TCEA2: variants seen among roughly 807,000 people sequenced by gnomAD.
TCEA2 encodes transcription elongation factor A protein 2.
TCEA2 carries 21 observed loss-of-function variants against 40.8 expected under a neutral mutation model. The observed-to-expected ratio is 0.51, with a 90% CI of 0.36 to 0.74. The LOEUF is 0.74. TCEA2 is among the 30% of genes least tolerant of loss of function. The pLI is 0.00. For missense variants in TCEA2, 326 were observed against 426.5 expected (o/e 0.76, Z 2.08); for synonymous variants, 165 against 162.7 (o/e 1.01, Z -0.11).
intron 3 of TCEA2, among the ~76,000 whole-genome samples, chr20:64,067,693 G>A (rs1199640902): frequency 1.3e-5 from 2 of 152,264 alleles, no homozygotes; most frequent in Admixed American, 6.5e-5. Context: ...TGGGCTTTCA[G>A]GAAGAGCCTT....
intron 2 of TCEA2, 111 bp downstream of exon 2, chr20:64,066,649 T>G: frequency 8.1e-7 from 1 of 1,234,476 alleles, no homozygotes; most frequent in Non-Finnish European, 1.2e-6. Context: ...AGGCCTTAGT[T>G]GGCACAAATG....
chr20:64,066,308 T>C, intron 1 of TCEA2, 168 bp from the exon 2 acceptor site: 1 of 702,826 alleles, frequency 1.4e-6, no homozygotes, highest in Non-Finnish European at 2.4e-6. Context: ...CAGGAACATG[T>C]GGGCAGAGCC....
chr20:64,062,059 C>T (rs1207736434), upstream of TCEA2, among the ~76,000 whole-genome samples: 1 of 152,242 alleles, frequency 6.6e-6, no homozygotes, highest in Non-Finnish European at 1.5e-5. Flanking sequence ...ACCATATTTT[C>T]CTTTTCATTT....
rs944367466 is a variant in TCEA2, at chr20:64,068,142, A to G, written c.329+8A>G. On this transcript the variant is annotated splice_region_variant and intron_variant, in intron 4 of 9. Coordinates refer to ENST00000343484, the MANE Select transcript of TCEA2 (RefSeq NM_003195.6). ...AGAGGCCCCGGATCCCAGGTAGCACACCTGGAAGGCAGGTGCACACACTTC... is the reference window on the plus strand; with the variant it reads ...AGAGGCCCCGGATCCCAGGTAGCACGCCTGGAAGGCAGGTGCACACACTTC... 1.2e-6 allele frequency: 2 copies of G among 1,605,160 alleles called. No homozygotes were observed. The highest frequency in any genetic ancestry group is 3.4e-5 in the Admixed American group (2 of 59,072).
chr20:64,063,153 C>A, upstream of TCEA2: 2 of 534,780 alleles, frequency 3.7e-6, no homozygotes, highest in Non-Finnish European at 5.4e-6. Flanking sequence ...TAGGATGCCG[C>A]GCGCGGCCGC....
chr20:64,059,880 C>T (rs568706082), upstream of TCEA2, among the ~76,000 whole-genome samples: 2 of 152,226 alleles, frequency 1.3e-5, no homozygotes, highest in East Asian at 1.9e-4. Flanking sequence ...CGTCTGTGTG[C>T]ACTCCTTCCC....
Position 64,069,793 on chromosome 20 carries a change from C to T in TCEA2, c.489C>T (p.Cys163=), listed in dbSNP as rs370442484. 6.2e-6 allele frequency: 10 copies of T among 1,613,772 alleles called. No homozygotes were observed. The African/African-American group carries it at 6.7e-5, about 11-fold the overall frequency. Residue 163 remains cysteine (C), a synonymous_variant, in exon 6 of 10, where the codon TGC becomes TGT. Coordinates refer to ENST00000343484, the MANE Select transcript of TCEA2 (RefSeq NM_003195.6). Reference sequence around the variant, plus strand: ...ACCACGTGGCCATCGGTGCGGACTGCGAGCGCCTGTCGGCTCAGATCGAGG... The same window carrying T: ...ACCACGTGGCCATCGGTGCGGACTGTGAGCGCCTGTCGGCTCAGATCGAGG... ...DHDHVAIGAD[C]ERLSAQIEEC... is the part of the protein sequence containing the mutation.
chr20:64,063,291 G>C lies in TCEA2; in HGVS notation c.-22G>C. On this transcript the variant is annotated 5_prime_UTR_variant, in exon 1 of 10. Transcript: ENST00000343484. ...CTGCGGAGGCGGGCGCGACGGGCGC[G>C]GGGGTCGCTGCTCCTGAGGCGATGA... 6.6e-7 allele frequency: 1 copy of C among 1,516,392 alleles called. No homozygotes were observed. Among genetic ancestry groups the C allele is most frequent in the South Asian group, 1.2e-5 (1 of 81,384 alleles). 93.9% of individuals were successfully genotyped at this position (1,516,392 alleles called of 1,614,324 possible).
rs766614276 is a variant in TCEA2, at chr20:64,072,135, G to C, written c.892-37G>C. On this transcript the variant is annotated intron_variant, in intron 9 of 9. Coordinates refer to ENST00000343484, the MANE Select transcript of TCEA2 (RefSeq NM_003195.6). ...CCTTCCACTCTGGGGGATCTCATGT[G>C]GCCACAAGGCTGGAGGCCTCACCCC... 4 of 1,612,806 alleles carry C rather than the reference G, an allele frequency of 2.5e-6. No individual in the cohort carries two copies. In the East Asian group the frequency reaches 8.9e-5, roughly 36 times the overall value.
intron 4 of TCEA2, 58 bp downstream of exon 4, chr20:64,068,192 A>T: frequency 6.8e-7 from 1 of 1,469,520 alleles, no homozygotes; most frequent in Non-Finnish European, 9.4e-7. Context: ...TTTCCTTGCC[A>T]GAGAAAGGGT....
At chr20:64,066,414 A>T (rs2059695121) in intron 1 of TCEA2, 62 bp from the exon 2 acceptor site, 1 of 1,561,100 alleles carries the variant, frequency 6.4e-7, no homozygotes, top group African/African-American at 1.4e-5. Context: ...AGTAGGCAGA[A>T]GGAGGTGATA....
intron 8 of TCEA2, among the ~76,000 whole-genome samples, chr20:64,070,918 G>A (rs1170318044): frequency 2.0e-5 from 3 of 152,200 alleles, no homozygotes; most frequent in African/African-American, 4.8e-5. Context: ...GAGGGCCCTC[G>A]AGGTGTTGAT....
chr20:64,069,391 G>T lies in TCEA2; in HGVS notation c.360G>T (p.Pro120=), dbSNP rs758030338. 2.5e-6 allele frequency: 4 copies of T among 1,605,580 alleles called. No individual in the cohort carries two copies. The highest frequency in any genetic ancestry group is 3.4e-6 in the Non-Finnish European group (4 of 1,176,386). ...SRKRPELPRA[P]STPRITTFPP... is the part of the protein sequence containing the mutation. ...AGAGGCCGGAGCTGCCCAGGGCACCGTCGACTCCGAGGATCACCACATTTC... is the reference window on the plus strand; with the variant it reads ...AGAGGCCGGAGCTGCCCAGGGCACCTTCGACTCCGAGGATCACCACATTTC... The change falls in exon 5 of 10, where the codon CCG becomes CCT. Residue 120 remains proline (P), a synonymous_variant. Coordinates refer to ENST00000343484, the MANE Select transcript of TCEA2 (RefSeq NM_003195.6).
chr20:64,070,241 G>T lies in TCEA2; in HGVS notation c.518-19G>T. ...GGGCAGCGACGTTGTCCTCAGGTGG[G>T]TCCTTAAAACACTTGCACGCATCTT... On this transcript the variant is annotated intron_variant, in intron 6 of 9. Transcript: ENST00000343484. 1 of 1,613,358 alleles carries T rather than the reference G, an allele frequency of 6.2e-7. No homozygotes were observed. Among genetic ancestry groups the T allele is most frequent in the South Asian group, 1.1e-5 (1 of 91,028 alleles).
At chr20:64,065,759 A>G (rs1381396951) in intron 1 of TCEA2, 2 of 152,474 alleles carry the variant, frequency 1.3e-5, no homozygotes, top group Non-Finnish European at 2.9e-5. Flanking sequence ...GCATTGGAAC[A>G]GTCCAGGCGA....
chr20:64,067,133 T>G (rs1391036605), intron 3 of TCEA2, 113 bp downstream of exon 3: 6 of 1,124,874 alleles, frequency 5.3e-6, no homozygotes, highest in African/African-American at 1.6e-5. Flanking sequence ...GCCAGGTCGC[T>G]TGGGAGTGGG....
At chr20:64,070,169 C>G in intron 6 of TCEA2, 91 bp from the exon 7 acceptor site, 1 of 1,565,074 alleles carries the variant, frequency 6.4e-7, no homozygotes, top group Non-Finnish European at 8.7e-7. Flanking sequence ...AGAACCTTTC[C>G]AGCCCCCACC....
upstream of TCEA2, chr20:64,062,304 C>G (rs1309067896): frequency 6.6e-6 from 1 of 152,376 alleles, no homozygotes; most frequent in Admixed American, 6.5e-5. Flanking sequence ...CACCTGTCCC[C>G]GTCCTCAACC....
intron 8 of TCEA2, among the ~76,000 whole-genome samples, chr20:64,071,481 C>T (rs1569256627): frequency 6.6e-6 from 1 of 152,210 alleles, no homozygotes; most frequent in Non-Finnish European, 1.5e-5. Context: ...CAGAGCCTGC[C>T]TCTCTCCTGC....
Sources: gnomAD v4.1 joint callset for allele counts (sites outside exome capture counted in the v4.1 genomes callset) on GRCh38, gnomAD v4.1.1 for gene constraint, MANE v1.5 for transcripts, NCBI Gene and HGNC (gene_info 2026-07-23, HGNC 2026-07-21) for gene names.